RSPRY1: variants seen among roughly 807,000 people sequenced by gnomAD.
RSPRY1 encodes the protein ring finger and SPRY domain containing 1.
Under a neutral mutation model 73.1 loss-of-function variants are expected in RSPRY1, and 23 were observed. The ratio of observed to expected loss-of-function variants is 0.31; its 90% CI spans 0.23 to 0.45. The LOEUF is 0.45. Ranked by LOEUF, RSPRY1 falls within the 20% of genes least tolerant of loss-of-function variation. The pLI is 1.00. For synonymous variants in RSPRY1, 226 were observed against 251.4 expected (o/e 0.90, Z 0.95); for missense variants, 448 against 698.7 (o/e 0.64, Z 4.05).
At chr16:57,198,620 C>T (rs1475298497) in intron 1 of RSPRY1, among the ~76,000 whole-genome samples, 1 of 151,692 alleles carries the variant, frequency 6.6e-6, no homozygotes, top group Non-Finnish European at 1.5e-5. Flanking sequence ...CTTTTTTTTC[C>T]CCCTGAAATT....
chr16:57,218,423 A>G (rs2074975129), intron 8 of RSPRY1, among the ~76,000 whole-genome samples: 1 of 152,160 alleles, frequency 6.6e-6, no homozygotes, highest in African/African-American at 2.4e-5. Flanking sequence ...ATGCTGTCAA[A>G]TACTAGGTGT....
In RSPRY1 at chr16:57,240,358, C is replaced by CA. The variant is rs1445558451; in HGVS notation, c.*1389dup. On this transcript the variant is annotated 3_prime_UTR_variant, in exon 15 of 15. Coordinates refer to ENST00000394420, the MANE Select transcript of RSPRY1 (RefSeq NM_133368.3). ...ATAAATCCACACACACACACACACA[C>CA]AAAAAATATATATATATATAAATAT... The CA allele has an allele frequency of 1.2e-4, 18 of 149,376 alleles. No individual in the cohort carries two copies. Among genetic ancestry groups the CA allele is most frequent in the African/African-American group, 4.2e-4 (17 of 40,570 alleles). The allele number at this position is 149,376 out of a possible 1,614,324, so 9.3% of individuals were successfully genotyped here. A position where few individuals can be genotyped will look rare whatever the true frequency, so the allele number is the denominator to read the frequency against.
intron 3 of RSPRY1, among the ~76,000 whole-genome samples, chr16:57,208,402 T>TATATA (rs2074771214): frequency 2.3e-5 from 3 of 132,364 alleles, no homozygotes; most frequent in African/African-American, 8.6e-5. Flanking sequence ...ATATATATAT[T>TATATA]TTTTTTTTTT....
chr16:57,209,343 T>C (rs1270729208), intron 4 of RSPRY1, among the ~76,000 whole-genome samples, 156 bp downstream of exon 4: 1 of 152,212 alleles, frequency 6.6e-6, no homozygotes, highest in African/African-American at 2.4e-5. Context: ...TTTTGTATTA[T>C]GAAGAATTAT....
intron 10 of RSPRY1, chr16:57,224,464 C>A (rs2075090602): frequency 6.6e-6 from 1 of 152,214 alleles, no homozygotes; most frequent in Non-Finnish European, 1.5e-5. Flanking sequence ...GATAAACTTT[C>A]TTTTGTTTGT....
intron 14 of RSPRY1, among the ~76,000 whole-genome samples, chr16:57,235,971 C>A (rs1233533667): frequency 4.6e-5 from 7 of 152,198 alleles, no homozygotes; most frequent in Non-Finnish European, 1.0e-4. Flanking sequence ...AACGGGTTAT[C>A]TAATTGGCTG....
At chr16:57,207,901 T>TA in intron 2 of RSPRY1, 157 bp from the exon 3 acceptor site, 1 of 625,968 alleles carries the variant, frequency 1.6e-6, no homozygotes, top group Non-Finnish European at 2.9e-6. Flanking sequence ...CATTCATCCT[T>TA]ACAGGTCATA....
At chr16:57,229,439 A>AC (rs1224404967) in intron 11 of RSPRY1, among the ~76,000 whole-genome samples, 4 of 151,426 alleles carry the variant, frequency 2.6e-5, no homozygotes, top group East Asian at 2.0e-4. Context: ...ACATAATGAG[A>AC]CCCCCCATCT....
At chr16:57,193,538 G>A (rs2146167975) in intron 1 of RSPRY1, among the ~76,000 whole-genome samples, 1 of 151,078 alleles carries the variant, frequency 6.6e-6, no homozygotes, top group South Asian at 2.1e-4. Context: ...TGTCACCCAG[G>A]CTTGAGGGTA....
At chr16:57,233,438 C>T (rs1214131816) in intron 13 of RSPRY1, among the ~76,000 whole-genome samples, 1 of 152,038 alleles carries the variant, frequency 6.6e-6, no homozygotes, top group Non-Finnish European at 1.5e-5. Context: ...GTGGCACAAT[C>T]TCAGGTCATT....
chr16:57,232,608 C>T (rs1331323973), intron 13 of RSPRY1, among the ~76,000 whole-genome samples: 3 of 152,088 alleles, frequency 2.0e-5, no homozygotes. Context: ...CACATATACC[C>T]TAAAAGGGAC....
At position 57,200,988 on chromosome 16, in the gene RSPRY1, G is replaced by A. The variant is rs1355303548; in HGVS notation, c.-155-3516G>A. Among the ~76,000 whole-genome samples, 14 of 55,390 alleles carry A rather than the reference G, an allele frequency of 2.5e-4. 1 individual carries two copies. The highest frequency in any genetic ancestry group is 1.1e-3 in the South Asian group (2 of 1,870). The allele number at this position is 55,390 out of a possible 152,430, so 36.3% of individuals were successfully genotyped here. ...TGACCCCCCCACCTCCCTCCCGGAC[G>A]GGCGGCTGGCCGGGCGGGGGGCTGA... is the stretch of plus-strand genomic sequence containing the variant. On this transcript the variant is annotated intron_variant, in intron 1 of 14. Transcript: ENST00000394420.
Position 57,224,914 on chromosome 16 carries a change from T to G in RSPRY1, c.1162-2428T>G, listed in dbSNP as rs1328086886. On this transcript the variant is annotated intron_variant, in intron 10 of 14. Coordinates refer to ENST00000394420, the MANE Select transcript of RSPRY1 (RefSeq NM_133368.3). ...TTCTGTCAAGGACTTCTCAGGACAT[T>G]AGAAGGTGAAGATAGAAAAGAATTG... Among the ~76,000 whole-genome samples, 3 of 152,238 alleles carry G rather than the reference T, an allele frequency of 2.0e-5. No homozygotes were observed. The East Asian group carries it at 5.8e-4, about 29-fold the overall frequency.
intron 1 of RSPRY1, among the ~76,000 whole-genome samples, chr16:57,201,165 G>A (rs1455971625): frequency 4.0e-5 from 6 of 151,666 alleles, no homozygotes; most frequent in Admixed American, 3.9e-4. Flanking sequence ...CTCAGACGGT[G>A]TGGCTGCCAG....
chr16:57,192,157 A>T (rs1272830167), intron 1 of RSPRY1, among the ~76,000 whole-genome samples: 4 of 152,192 alleles, frequency 2.6e-5, no homozygotes, highest in Non-Finnish European at 5.9e-5. Flanking sequence ...ATGCAGTATG[A>T]GTGTTTTAGA....
chr16:57,206,636 C>T (rs1454578195), intron 2 of RSPRY1, among the ~76,000 whole-genome samples: 1 of 152,114 alleles, frequency 6.6e-6, no homozygotes, highest in African/African-American at 2.4e-5. Context: ...GATCATGACT[C>T]ACTGCAGCCT....
chr16:57,214,438 C>G (rs2074902199), intron 6 of RSPRY1, among the ~76,000 whole-genome samples: 2 of 152,308 alleles, frequency 1.3e-5, no homozygotes, highest in South Asian at 2.1e-4. Context: ...GCCCTCAGAT[C>G]TCTCATAGTT....
chr16:57,188,077 T>G (rs1156756294), intron 1 of RSPRY1, among the ~76,000 whole-genome samples: 1 of 152,222 alleles, frequency 6.6e-6, no homozygotes, highest in African/African-American at 2.4e-5. Context: ...AAGACTGCCT[T>G]TTTTCCTCCA....
chr16:57,186,898 C>T (rs1266663820), intron 1 of RSPRY1: 2 of 152,068 alleles, frequency 1.3e-5, no homozygotes, highest in African/African-American at 2.4e-5. Flanking sequence ...TAGGAGGGTT[C>T]TTTTTGTGGA....
Sources: allele counts gnomAD v4.1 joint callset (sites outside exome capture counted in the v4.1 genomes callset), GRCh38; gene constraint gnomAD v4.1.1; transcripts MANE v1.5; gene names NCBI Gene and HGNC (gene_info 2026-07-23, HGNC 2026-07-21).